DGKB: variants seen among roughly 807,000 people sequenced by gnomAD.
The protein encoded by DGKB is diacylglycerol kinase beta.
In DGKB, 67 loss-of-function variants were observed where a neutral mutation model predicts 114.3. That is an observed-to-expected ratio of 0.59 (90% CI 0.48 to 0.72). DGKB has a LOEUF of 0.72. Among genes scored for constraint, DGKB ranks in the 30% least tolerant of loss-of-function variants. DGKB has a pLI of 0.00. For missense variants in DGKB, 907 were observed against 975.2 expected, an observed-to-expected ratio of 0.93 and a Z score of 0.93; for synonymous variants, 398 against 323.1, an observed-to-expected ratio of 1.23 and a Z score of -2.49.
chr7:14,495,112 G>C (rs1785110710), intron 20 of DGKB, among the ~76,000 whole-genome samples: 1 of 151,786 alleles, frequency 6.6e-6, no homozygotes, highest in African/African-American at 2.4e-5. Flanking sequence ...TGATTCTCTA[G>C]ATGTAGTCCC....
At chr7:14,700,927 T>C (rs1430592812) in intron 7 of DGKB, among the ~76,000 whole-genome samples, 1 of 152,164 alleles carries the variant, frequency 6.6e-6, no homozygotes, top group East Asian at 1.9e-4. Context: ...ATGCAAAATA[T>C]GTTACCAAAC....
chr7:14,194,969 C>A (rs945341019), intron 23 of DGKB, among the ~76,000 whole-genome samples: 1 of 152,108 alleles, frequency 6.6e-6, no homozygotes. Context: ...GTCATCTACA[C>A]CACAGGAACG....
chr7:14,546,332 C>T lies in DGKB; in HGVS notation c.1770+27880G>A, dbSNP rs191185317. Among the ~76,000 whole-genome samples the T allele has an allele frequency of 3.4e-3, 510 of 152,206 alleles. 2 individuals carry two copies. Among genetic ancestry groups the T allele is most frequent in the Non-Finnish European group, 6.3e-3 (429 of 68,020 alleles). ...GTCAAGCAACACAGAACTCTCTTTA[C>T]TATGCAGAACATATTCCCTGTGGCT... On this transcript the variant is annotated intron_variant, in intron 20 of 25. Transcript: ENST00000402815.
At chr7:14,347,238 T>G (rs1365753694) in intron 21 of DGKB, among the ~76,000 whole-genome samples, 1 of 151,936 alleles carries the variant, frequency 6.6e-6, no homozygotes, top group Non-Finnish European at 1.5e-5. Context: ...AAACCACAAT[T>G]AGATATCACC....
intron 4 of DGKB, among the ~76,000 whole-genome samples, chr7:14,745,761 C>T (rs1306532004): frequency 6.7e-6 from 1 of 150,172 alleles, no homozygotes; most frequent in African/African-American, 2.5e-5. Context: ...GAGCACTTTC[C>T]TTTCACTTAA....
rs1348953333 is a variant in DGKB, at chr7:14,393,054, T to TCTCGG, written c.1836-47668_1836-47664dup. ...CCCAGGCTGGAGTGCAGTGGCACGA[T>TCTCGG]CTCGGCTCACTGCAAGCTCTGCCCC... On this transcript the variant is annotated intron_variant, in intron 21 of 25. Coordinates refer to ENST00000402815, the MANE Select transcript of DGKB (RefSeq NM_001350709.2). 3.1e-5 allele frequency among the ~76,000 whole-genome samples: 4 copies of TCTCGG among 129,526 alleles called. No homozygotes were observed. The East Asian group carries it at 1.0e-3, about 32-fold the overall frequency. The allele number at this position is 129,526 out of a possible 152,430, so 85.0% of individuals were successfully genotyped here.
intron 1 of DGKB, among the ~76,000 whole-genome samples, chr7:14,948,241 T>A (rs1344352131): frequency 6.6e-6 from 1 of 151,814 alleles, no homozygotes; most frequent in East Asian, 1.9e-4. Context: ...ACTTTATTTA[T>A]TATAAAAATG....
chr7:14,163,074 G>C (rs1335071671), intron 25 of DGKB, among the ~76,000 whole-genome samples: 3 of 152,046 alleles, frequency 2.0e-5, no homozygotes, highest in Non-Finnish European at 4.4e-5. Context: ...GAGCTGTCAA[G>C]CTCACGGGTG....
At chr7:14,202,361 T>C (rs899130233) in intron 23 of DGKB, among the ~76,000 whole-genome samples, 2 of 151,984 alleles carry the variant, frequency 1.3e-5, no homozygotes, top group African/African-American at 2.4e-5. Context: ...CTCAACATCA[T>C]GAGGCTACTG....
intron 23 of DGKB, among the ~76,000 whole-genome samples, chr7:14,287,512 C>A (rs1260989319): frequency 1.3e-5 from 2 of 152,122 alleles, no homozygotes; most frequent in East Asian, 3.9e-4. Flanking sequence ...TTAATATGAA[C>A]TTATTTTCCT....
chr7:14,451,566 TC>T (rs1563210878), intron 21 of DGKB, among the ~76,000 whole-genome samples: 4 of 151,912 alleles, frequency 2.6e-5, no homozygotes, highest in African/African-American at 7.2e-5. Flanking sequence ...TCTCTCTCTC[TC>T]TCTCTCTCCA....
At chr7:14,730,025 C>T (rs528826735) in intron 5 of DGKB, among the ~76,000 whole-genome samples, 8 of 152,250 alleles carry the variant, frequency 5.3e-5, no homozygotes, top group East Asian at 1.9e-4. Flanking sequence ...AAAACTGTTA[C>T]GCTGACCTGC....
intron 1 of DGKB, among the ~76,000 whole-genome samples, chr7:14,900,056 C>T (rs999192074): frequency 6.6e-6 from 1 of 152,158 alleles, no homozygotes; most frequent in Non-Finnish European, 1.5e-5. Context: ...ATATGTAAAG[C>T]TCTTGACACA....
At chr7:14,779,534 G>C (rs1052364148) in intron 2 of DGKB, among the ~76,000 whole-genome samples, 1 of 151,992 alleles carries the variant, frequency 6.6e-6, no homozygotes. Context: ...AAAAGAATAT[G>C]ATTATAACCA....
At chr7:14,529,220 T>G (rs10279914) in intron 20 of DGKB, among the ~76,000 whole-genome samples, 7,075 of 152,054 alleles carry the variant, frequency 0.047, 573 homozygotes, top group African/African-American at 0.16. Flanking sequence ...ATTCATTTGA[T>G]GTAGGCTGAA....
intron 23 of DGKB, among the ~76,000 whole-genome samples, chr7:14,328,742 A>T (rs1480407085): frequency 3.9e-5 from 6 of 151,984 alleles, no homozygotes; most frequent in African/African-American, 1.4e-4. Context: ...TTTCTAAAAA[A>T]TGCTCCCCAG....
chr7:14,722,150 C>T (rs983605025), intron 5 of DGKB, among the ~76,000 whole-genome samples: 3 of 152,146 alleles, frequency 2.0e-5, no homozygotes, highest in African/African-American at 7.2e-5. Context: ...TTAGGGTTCT[C>T]TTTTTGTTGT....
intron 1 of DGKB, among the ~76,000 whole-genome samples, chr7:14,943,291 AATTT>A (rs1286173008): frequency 1.3e-5 from 2 of 151,908 alleles, no homozygotes; most frequent in Non-Finnish European, 1.5e-5. Context: ...TACATCAATT[AATTT>A]CTTTCTTGAA....
intron 20 of DGKB, among the ~76,000 whole-genome samples, chr7:14,484,037 T>TC (rs1451223590): frequency 6.6e-6 from 1 of 152,028 alleles, no homozygotes; most frequent in African/African-American, 2.4e-5. Context: ...TGTAGGGTTT[T>TC]TTTTTTTTTG....
Sources: gnomAD v4.1 joint callset for allele counts (sites outside exome capture counted in the v4.1 genomes callset) on GRCh38, gnomAD v4.1.1 for gene constraint, MANE v1.5 for transcripts, NCBI Gene and HGNC (gene_info 2026-07-23, HGNC 2026-07-21) for gene names.